RGS17: variants seen among roughly 807,000 people sequenced by gnomAD.
RGS17 encodes the protein regulator of G-protein signaling 17.
RGS17 carries 12 observed loss-of-function variants against 25.5 expected under a neutral mutation model. The ratio of observed to expected loss-of-function variants is 0.47; its 90% confidence interval spans 0.30 to 0.76. The LOEUF is 0.76. Ranked by LOEUF, RGS17 falls within the 30% of genes least tolerant of loss-of-function variation. The pLI, the probability that RGS17 is intolerant of heterozygous loss-of-function variation, is 0.07. For synonymous variants in RGS17, 71 were observed against 76.9 expected (o/e 0.92, Z 0.40); for missense variants, 196 against 242.2 (o/e 0.81, Z 1.27).
intron 1 of RGS17, among the ~76,000 whole-genome samples, chr6:153,105,740 GATTC>G (rs1463947327): frequency 6.6e-6 from 1 of 152,210 alleles, no homozygotes; most frequent in African/African-American, 2.4e-5. Flanking sequence ...ACTTTTTAAA[GATTC>G]ATTCATTCAT....
At chr6:153,042,070 G>A (rs898479555) in intron 2 of RGS17, among the ~76,000 whole-genome samples, 3 of 152,200 alleles carry the variant, frequency 2.0e-5, no homozygotes, top group Non-Finnish European at 2.9e-5. Flanking sequence ...AACCCCGGCA[G>A]TCTGACTTCA....
At chr6:153,029,917 C>T (rs1375173211) in intron 2 of RGS17, among the ~76,000 whole-genome samples, 1 of 152,190 alleles carries the variant, frequency 6.6e-6, no homozygotes, top group Non-Finnish European at 1.5e-5. Context: ...GACACTCCCC[C>T]ACTGACTTTT....
intron 1 of RGS17, among the ~76,000 whole-genome samples, chr6:153,057,928 G>A (rs1487036461): frequency 6.6e-6 from 1 of 152,284 alleles, no homozygotes; most frequent in Non-Finnish European, 1.5e-5. Flanking sequence ...AGTAAAGCTC[G>A]CTGGCCTGCT....
chr6:153,080,657 A>C (rs889999164), intron 1 of RGS17, among the ~76,000 whole-genome samples: 3 of 151,894 alleles, frequency 2.0e-5, no homozygotes, highest in Non-Finnish European at 4.4e-5. Context: ...AATTTCTCTT[A>C]TTATTTTAGC....
chr6:153,075,325 C>T (rs761111115), intron 1 of RGS17, among the ~76,000 whole-genome samples: 1 of 152,064 alleles, frequency 6.6e-6, no homozygotes, highest in Non-Finnish European at 1.5e-5. Context: ...ATTATAAGTA[C>T]CTTCACTTTT....
At chr6:153,101,770 G>A (rs1242549101) in intron 1 of RGS17, among the ~76,000 whole-genome samples, 2 of 131,526 alleles carry the variant, frequency 1.5e-5, no homozygotes, top group Middle Eastern at 3.6e-3. Context: ...TTGTTTGAAA[G>A]TATGTGGTAC....
At chr6:153,037,962 G>A (rs1018244422) in intron 2 of RGS17, among the ~76,000 whole-genome samples, 5 of 152,118 alleles carry the variant, frequency 3.3e-5, no homozygotes, top group African/African-American at 1.2e-4. Context: ...GCCTTCTCTA[G>A]GGCAGAGGGA....
intron 1 of RGS17, among the ~76,000 whole-genome samples, chr6:153,078,969 A>C (rs1013580934): frequency 2.6e-5 from 4 of 152,034 alleles, no homozygotes; most frequent in Non-Finnish European, 5.9e-5. Flanking sequence ...TACAAAAACC[A>C]TGTCTTCTAT....
chr6:153,046,255 G>A (rs1776382955), intron 1 of RGS17, among the ~76,000 whole-genome samples: 1 of 152,070 alleles, frequency 6.6e-6, no homozygotes, highest in East Asian at 1.9e-4. Context: ...AGCTAGATAG[G>A]AGGAATAAGT....
Position 153,007,217 on chromosome 6 carries a change from A to G in RGS17, c.*4357T>C, listed in dbSNP as rs866868634. On this transcript the variant is annotated 3_prime_UTR_variant, in exon 5 of 5. Coordinates refer to ENST00000206262, the MANE Select transcript of RGS17 (RefSeq NM_012419.5). Reference sequence around the variant, plus strand: ...TCATTGTGCACCATCTTGTGTTGCAAGGATATTTTAAGCACTGCAGGGAAA... The same window carrying G: ...TCATTGTGCACCATCTTGTGTTGCAGGGATATTTTAAGCACTGCAGGGAAA... 3 of 152,206 alleles carry G rather than the reference A, an allele frequency of 2.0e-5. No individual in the cohort carries two copies. Among genetic ancestry groups the G allele is most frequent in the Non-Finnish European group, 2.9e-5 (2 of 68,032 alleles). 9.4% of individuals were successfully genotyped at this position (152,206 alleles called of 1,614,324 possible). A position where few individuals can be genotyped will look rare whatever the true frequency, so the allele number is the denominator to read the frequency against.
chr6:153,101,938 T>C (rs887365139), intron 1 of RGS17, among the ~76,000 whole-genome samples: 41 of 152,216 alleles, frequency 2.7e-4, no homozygotes, highest in African/African-American at 9.6e-4. Context: ...ATTTCCTTGA[T>C]AAATTACCTA....
intron 2 of RGS17, among the ~76,000 whole-genome samples, chr6:153,027,200 T>C (rs1206678283): frequency 6.6e-6 from 1 of 152,192 alleles, no homozygotes; most frequent in Admixed American, 6.5e-5. Flanking sequence ...GGTGTGTGTC[T>C]GTGTAGCATA....
chr6:153,068,568 C>T (rs1776741454), intron 1 of RGS17, among the ~76,000 whole-genome samples: 1 of 152,128 alleles, frequency 6.6e-6, no homozygotes, highest in Admixed American at 6.6e-5. Context: ...TAGTATCCCA[C>T]AAGCATAGGC....
chr6:153,125,175 C>T (rs968929789), intron 1 of RGS17, among the ~76,000 whole-genome samples: 1 of 152,114 alleles, frequency 6.6e-6, no homozygotes, highest in Non-Finnish European at 1.5e-5. Context: ...TGTATTTCAA[C>T]AGCCAATCAG....
chr6:153,039,417 C>A (rs1450238943), intron 2 of RGS17, among the ~76,000 whole-genome samples: 1 of 152,102 alleles, frequency 6.6e-6, no homozygotes, highest in African/African-American at 2.4e-5. Context: ...GGGCTGTGGC[C>A]AGTGATACTT....
Position 153,011,513 on chromosome 6 carries a change from GTTATTTAACTACTT to G in RGS17, c.*47_*60del, listed in dbSNP as rs770533687. 23 of 1,177,936 alleles carry G rather than the reference GTTATTTAACTACTT, an allele frequency of 2.0e-5. No individual in the cohort carries two copies. The highest frequency in any genetic ancestry group is 2.6e-5 in the Non-Finnish European group (21 of 809,860). 73.0% of individuals were successfully genotyped at this position (1,177,936 alleles called of 1,614,324 possible). On this transcript the variant is annotated 3_prime_UTR_variant, in exon 5 of 5. Coordinates refer to ENST00000206262, the MANE Select transcript of RGS17 (RefSeq NM_012419.5). ...GTTCTCCAGGAACTCAGTTTCTGAT[GTTATTTAACTACTT>G]TTATTTCCCATCTCAGCCCTCCAAA...
chr6:153,030,680 T>C (rs1453824639), intron 2 of RGS17, among the ~76,000 whole-genome samples: 3 of 152,206 alleles, frequency 2.0e-5, no homozygotes, highest in Non-Finnish European at 4.4e-5. Flanking sequence ...TAGATTATTC[T>C]TTAAATACTT....
intron 1 of RGS17, among the ~76,000 whole-genome samples, chr6:153,089,652 T>C (rs979743811): frequency 3.3e-5 from 5 of 152,164 alleles, no homozygotes; most frequent in African/African-American, 1.2e-4. Flanking sequence ...ACCACATTCA[T>C]GATCTGTTTG....
rs1776353579 is a variant in RGS17, at chr6:153,043,891, A to G, written c.119+9T>C. ...CTGGGTGTGGCATCCTACAGGTAAC[A>G]TGACATACCAGGAGCAGCTGCAACA... On this transcript the variant is annotated intron_variant, in intron 2 of 4. Transcript: ENST00000206262. 1.9e-6 allele frequency: 3 copies of G among 1,585,214 alleles called. No individual in the cohort carries two copies. The highest frequency in any genetic ancestry group is 2.2e-5 in the South Asian group (2 of 89,494).
Sources: allele counts gnomAD v4.1 joint callset (sites outside exome capture counted in the v4.1 genomes callset), GRCh38; gene constraint gnomAD v4.1.1; transcripts MANE v1.5; gene names NCBI Gene and HGNC (gene_info 2026-07-23, HGNC 2026-07-21).